Variants in CDK15 observed in about 807,000 individuals in gnomAD.
CDK15 encodes cyclin dependent kinase 15.
CDK15 carries 62 observed loss-of-function variants against 60.3 expected under a neutral mutation model. The observed-to-expected ratio is 1.03, with a 90% confidence interval of 0.84 to 1.27. The LOEUF (loss-of-function observed/expected upper bound fraction) is 1.27. CDK15 is among the 50% of genes most tolerant of loss of function. The probability of loss-of-function intolerance (pLI) is 0.00; values close to 1 mark genes in which losing one functional copy is unlikely to be tolerated. For missense variants in CDK15, 541 were observed against 527.8 expected, an observed-to-expected ratio of 1.03 and a Z score of -0.25; for synonymous variants, 194 against 195.7, an observed-to-expected ratio of 0.99 and a Z score of 0.07.
In CDK15 at chr2:201,883,472, G is replaced by C. The variant is rs1699351032; in HGVS notation, c.1198+3305G>C. Among the ~76,000 whole-genome samples, 3 of 152,306 alleles carry C rather than the reference G, an allele frequency of 2.0e-5. No individual in the cohort carries two copies. The South Asian group carries it at 6.2e-4, about 32-fold the overall frequency. ...TCCCTAGGTTGTGGCAGTACGCTTA[G>C]AGCCAAAGGGCATTTATCAGGGGGT... is the stretch of plus-strand genomic sequence containing the variant. On this transcript the variant is annotated intron_variant, in intron 12 of 13. Transcript: ENST00000652192.
At position 201,832,171 on chromosome 2, in the gene CDK15, G is replaced by A. The variant is rs188695116; in HGVS notation, c.607-1677G>A. On this transcript the variant is annotated intron_variant, in intron 6 of 13. Transcript: ENST00000652192. ...AGCAATTCTCCTGCCTCAGCCTCCC[G>A]AGTAGCTGGGATTATAAGCATATAC... Among the ~76,000 whole-genome samples the A allele has an allele frequency of 1.1e-3, 167 of 151,676 alleles. 1 individual carries two copies. The highest frequency in any genetic ancestry group is 3.8e-3 in the African/African-American group (156 of 41,346).
Position 201,853,586 on chromosome 2 carries a change from AAAGAGTTAT to A in CDK15, c.946-1286_946-1278del, listed in dbSNP as rs371346112. Among the ~76,000 whole-genome samples, 19 of 152,282 alleles carry A rather than the reference AAAGAGTTAT, an allele frequency of 1.2e-4. No individual in the cohort carries two copies. The East Asian group carries it at 3.7e-3, about 29-fold the overall frequency. On this transcript the variant is annotated intron_variant, in intron 9 of 13. Coordinates refer to ENST00000652192, the MANE Select transcript of CDK15 (RefSeq NM_001366386.2). Reference sequence around the variant, plus strand: ...CTCTTTCTGTAAGAGATGTTTCTAAAAAGAGTTATAGTGAGATATGCTTCTAAGAAAAGT... The same window carrying A: ...CTCTTTCTGTAAGAGATGTTTCTAAAAGTGAGATATGCTTCTAAGAAAAGT...
intron 6 of CDK15, among the ~76,000 whole-genome samples, chr2:201,826,458 CAAAAA>C (rs373198183): frequency 5.0e-4 from 39 of 78,212 alleles, no homozygotes; most frequent in South Asian, 1.3e-3. Flanking sequence ...GACTGCGTCT[CAAAAA>C]AAAAAAAAAA....
chr2:201,881,901 G>GCA (rs113030228), intron 12 of CDK15, among the ~76,000 whole-genome samples: 10 of 151,010 alleles, frequency 6.6e-5, no homozygotes, highest in Middle Eastern at 3.4e-3. Context: ...ACATACACAC[G>GCA]CACACACACA....
intron 13 of CDK15, among the ~76,000 whole-genome samples, chr2:201,892,019 C>T (rs936830222): frequency 1.3e-5 from 2 of 152,164 alleles, no homozygotes; most frequent in African/African-American, 4.8e-5. Flanking sequence ...CTTTGGCTGT[C>T]ACGATTTAAA....
At chr2:201,880,428 C>T (rs1220251937) in intron 12 of CDK15, among the ~76,000 whole-genome samples, 7 of 152,206 alleles carry the variant, frequency 4.6e-5, no homozygotes, top group African/African-American at 1.7e-4. Context: ...AGACATTTCA[C>T]AGGTACACAT....
At chr2:201,881,072 G>A (rs924784299) in intron 12 of CDK15, among the ~76,000 whole-genome samples, 2 of 152,144 alleles carry the variant, frequency 1.3e-5, no homozygotes, top group African/African-American at 4.8e-5. Context: ...ACTGGAAGGG[G>A]CGTGGGGGAG....
In CDK15 at chr2:201,831,792, C is replaced by T. The variant is rs540964893; in HGVS notation, c.607-2056C>T. 4.6e-5 allele frequency among the ~76,000 whole-genome samples: 7 copies of T among 152,224 alleles called. No homozygotes were observed. The South Asian group carries it at 1.5e-3, about 32-fold the overall frequency. ...ACTCAGCCAGCTGGCTCTCTCCTTCCCTGTCATGTTTTCATTTTCTGTCTT... is the reference window on the plus strand; with the variant it reads ...ACTCAGCCAGCTGGCTCTCTCCTTCTCTGTCATGTTTTCATTTTCTGTCTT... On this transcript the variant is annotated intron_variant, in intron 6 of 13. Transcript: ENST00000652192.
intron 4 of CDK15, among the ~76,000 whole-genome samples, chr2:201,812,908 T>G (rs1695835025): frequency 6.6e-6 from 1 of 152,204 alleles, no homozygotes. Context: ...ACACAAATTC[T>G]TACTGGGAAA....
chr2:201,824,526 C>T, intron 6 of CDK15: 1 of 245,532 alleles, frequency 4.1e-6, no homozygotes, highest in Non-Finnish European at 8.3e-6. Context: ...AGTCTTCAAG[C>T]AACAGCAATG....
intron 6 of CDK15, among the ~76,000 whole-genome samples, chr2:201,826,574 G>A (rs753884727): frequency 6.6e-5 from 10 of 152,036 alleles, no homozygotes; most frequent in Admixed American, 2.0e-4. Flanking sequence ...GTACAGAGTA[G>A]GGAAATAGAG....
chr2:201,865,992 T>G (rs1248605371), intron 10 of CDK15, among the ~76,000 whole-genome samples: 1 of 137,222 alleles, frequency 7.3e-6, no homozygotes, highest in East Asian at 2.1e-4. Context: ...AAGCAAACAG[T>G]TTTGAGGACA....
At chr2:201,851,291 CA>C (rs1176883047) in intron 9 of CDK15, among the ~76,000 whole-genome samples, 3,473 of 27,668 alleles carry the variant, frequency 0.13, 11 homozygotes, top group Non-Finnish European at 0.16. Context: ...GACTTCATCT[CA>C]AAAAAAAAAA....
intron 10 of CDK15, among the ~76,000 whole-genome samples, chr2:201,870,040 CA>C (rs1698795881): frequency 6.6e-6 from 1 of 152,224 alleles, no homozygotes; most frequent in African/African-American, 2.4e-5. Context: ...AAAATGCCAG[CA>C]GAGAGGTCCA....
In CDK15 at chr2:201,840,205, G is replaced by A. The variant is rs140583743; in HGVS notation, c.851+4442G>A. On this transcript the variant is annotated intron_variant, in intron 8 of 13. Coordinates refer to ENST00000652192, the MANE Select transcript of CDK15 (RefSeq NM_001366386.2). ...TCGCCATGTTGGCCAGGCTGGTTTCGAACTTTAGATGTCAGGTGATCAGCC... is the reference window on the plus strand; with the variant it reads ...TCGCCATGTTGGCCAGGCTGGTTTCAAACTTTAGATGTCAGGTGATCAGCC... Among the ~76,000 whole-genome samples, 20 of 152,158 alleles carry A rather than the reference G, an allele frequency of 1.3e-4. No homozygotes were observed. The East Asian group carries it at 3.1e-3, about 24-fold the overall frequency.
chr2:201,889,418 C>T (rs1278169594), intron 12 of CDK15: 3 of 984,594 alleles, frequency 3.0e-6, no homozygotes, highest in Non-Finnish European at 3.6e-6. Context: ...CAATGGCTAC[C>T]ATTTATTAAA....
intron 12 of CDK15, among the ~76,000 whole-genome samples, chr2:201,881,901 GCA>G (rs113030228): frequency 1.3e-5 from 2 of 150,894 alleles, no homozygotes; most frequent in African/African-American, 4.9e-5. Context: ...ACATACACAC[GCA>G]CACACACACA....
chr2:201,819,587 T>C (rs976983603), intron 4 of CDK15, among the ~76,000 whole-genome samples: 6 of 152,036 alleles, frequency 3.9e-5, no homozygotes, highest in Non-Finnish European at 8.8e-5. Context: ...GAAGTGGCCA[T>C]AGGAGGAAAG....
chr2:201,862,732 AG>A (rs1698448349), intron 10 of CDK15, among the ~76,000 whole-genome samples: 1 of 152,178 alleles, frequency 6.6e-6, no homozygotes, highest in Non-Finnish European at 1.5e-5. Context: ...CTAACCAGGA[AG>A]GGGGTGACCT....
Sources: gnomAD v4.1 joint callset for allele counts (sites outside exome capture counted in the v4.1 genomes callset) on GRCh38, gnomAD v4.1.1 for gene constraint, MANE v1.5 for transcripts, NCBI Gene and HGNC (gene_info 2026-07-23, HGNC 2026-07-21) for gene names.